PRKG2: variants seen among roughly 807,000 people sequenced by gnomAD.
PRKG2 encodes the protein cGMP-dependent protein kinase 2.
PRKG2 carries 33 observed loss-of-function variants against 97.2 expected under a neutral mutation model. That is an observed-to-expected ratio of 0.34 (90% CI 0.26 to 0.45). PRKG2 has a LOEUF of 0.45. Ranked by LOEUF, PRKG2 falls within the 20% of genes least tolerant of loss-of-function variation. The probability of loss-of-function intolerance (pLI) is 1.00; values close to 1 mark genes in which losing one functional copy is unlikely to be tolerated. For synonymous variants in PRKG2, 330 were observed against 321.8 expected, an observed-to-expected ratio of 1.03 and a Z score of -0.27; for missense variants, 638 against 900.0, an observed-to-expected ratio of 0.71 and a Z score of 3.73.
At chr4:81,216,170 T>C (rs2110142909), upstream of PRKG2, among the ~76,000 whole-genome samples, 1 of 152,254 alleles carries the variant, frequency 6.6e-6, no homozygotes, top group East Asian at 1.9e-4. Flanking sequence ...TCATGTAACA[T>C]TTGTATACAC....
chr4:81,217,833 T>C (rs1578540973), upstream of PRKG2, among the ~76,000 whole-genome samples: 2 of 152,138 alleles, frequency 1.3e-5, no homozygotes, highest in Admixed American at 6.5e-5. Flanking sequence ...AGGCAAGAAG[T>C]TCCAAGGTCA....
At position 81,144,321 on chromosome 4, in the gene PRKG2, GT is replaced by G; in HGVS notation, c.1163del (p.Asn388ThrfsTer21). On this transcript the variant is annotated frameshift_variant, in exon 10 of 19. Transcript: ENST00000264399. LOFTEE classifies it high-confidence loss of function. ...GCTCTTCAAATGTACCGACAGTTTGGTTGAATGTTCTAAATAGATAGAATAA... is the reference window on the plus strand; with the variant it reads ...GCTCTTCAAATGTACCGACAGTTTGGTGAATGTTCTAAATAGATAGAATAA... ...ACLVIDRETF[N>X]QTVGTFEELQ... The G allele has an allele frequency of 6.2e-7, 1 of 1,608,180 alleles. No homozygotes were observed. Among genetic ancestry groups the G allele is most frequent in the Non-Finnish European group, 8.5e-7 (1 of 1,175,026 alleles).
chr4:81,110,768 C>CAGACAGAT (rs1743839817), intron 14 of PRKG2, among the ~76,000 whole-genome samples, 157 bp from the exon 15 acceptor site: 2 of 119,958 alleles, frequency 1.7e-5, no homozygotes, highest in Non-Finnish European at 3.5e-5. Context: ...GAGAGAGAGA[C>CAGACAGAT]AGACAGACGG....
chr4:81,130,651 G>A (rs1746083220), intron 14 of PRKG2, among the ~76,000 whole-genome samples: 1 of 152,174 alleles, frequency 6.6e-6, no homozygotes, highest in South Asian at 2.1e-4. Flanking sequence ...ATGAGCCCCT[G>A]AGTGGGACTG....
At chr4:81,122,909 C>G (rs547147609) in intron 14 of PRKG2, among the ~76,000 whole-genome samples, 6 of 152,332 alleles carry the variant, frequency 3.9e-5, no homozygotes, top group African/African-American at 1.4e-4. Flanking sequence ...CATCCCACTG[C>G]AGTCCGCTCA....
At chr4:81,186,905 C>T (rs1023095920) in intron 2 of PRKG2, among the ~76,000 whole-genome samples, 4 of 152,106 alleles carry the variant, frequency 2.6e-5, no homozygotes, top group African/African-American at 7.2e-5. Context: ...GACACATAAA[C>T]CCTCCCAAGA....
At chr4:81,126,719 GTTTT>G (rs35401940) in intron 14 of PRKG2, among the ~76,000 whole-genome samples, 3 of 150,116 alleles carry the variant, frequency 2.0e-5, no homozygotes, top group South Asian at 2.1e-4. Context: ...CTTTTTGATG[GTTTT>G]TTTTTCTTGT....
At chr4:81,191,441 G>A (rs1437815405) in intron 2 of PRKG2, among the ~76,000 whole-genome samples, 1 of 150,918 alleles carries the variant, frequency 6.6e-6, no homozygotes, top group Non-Finnish European at 1.5e-5. Context: ...CAGGGGGTTG[G>A]GGGCTGGAGA....
At chr4:81,131,058 A>G (rs1345992645) in intron 14 of PRKG2, among the ~76,000 whole-genome samples, 1 of 152,178 alleles carries the variant, frequency 6.6e-6, no homozygotes, top group Non-Finnish European at 1.5e-5. Flanking sequence ...CAGCTAGCTC[A>G]GTGTCTGCCC....
chr4:81,198,214 G>A (rs1753082464), intron 2 of PRKG2, among the ~76,000 whole-genome samples: 1 of 152,176 alleles, frequency 6.6e-6, no homozygotes, highest in Admixed American at 6.5e-5. Flanking sequence ...AGGACTAAAG[G>A]GCAGATATCA....
intron 2 of PRKG2, among the ~76,000 whole-genome samples, chr4:81,203,928 T>TC (rs1175050397): frequency 6.6e-6 from 1 of 152,178 alleles, no homozygotes; most frequent in Non-Finnish European, 1.5e-5. Flanking sequence ...TTCTGTTGTC[T>TC]CCCTGACCTC....
At chr4:81,090,611 T>A (rs1271022318) in intron 18 of PRKG2, among the ~76,000 whole-genome samples, 1 of 151,380 alleles carries the variant, frequency 6.6e-6, no homozygotes, top group African/African-American at 2.5e-5. Flanking sequence ...GATTTCTAAC[T>A]CTGCTTTCAA....
chr4:81,153,852 G>A (rs879296531), intron 6 of PRKG2, 131 bp from the exon 7 acceptor site: 5 of 647,620 alleles, frequency 7.7e-6, no homozygotes, highest in Non-Finnish European at 1.3e-5. Context: ...TCCATCTGAG[G>A]TACCGGGTTC....
rs537316144 is a variant in PRKG2 at position 81,167,276 on chromosome 4, T to C, written c.849-52A>G. ...TTACCTTCCTGAATTAAACTATAAA[T>C]ATACACATATGCAGATTCTAAAATC... On this transcript the variant is annotated intron_variant, in intron 5 of 18. Coordinates refer to ENST00000264399, the MANE Select transcript of PRKG2 (RefSeq NM_006259.3). 6.1e-6 allele frequency: 7 copies of C among 1,151,262 alleles called. No individual in the cohort carries two copies. In the South Asian group the frequency reaches 1.0e-4, roughly 17 times the overall value. 71.3% of individuals were successfully genotyped at this position (1,151,262 alleles called of 1,614,324 possible).
At chr4:81,110,762 G>GAC (rs1257128786) in intron 14 of PRKG2, 151 bp from the exon 15 acceptor site, 106 of 627,918 alleles carry the variant, frequency 1.7e-4, no homozygotes, top group African/African-American at 5.9e-4. Context: ...GAGAGAGAGA[G>GAC]AGAGACAGAC....
intron 6 of PRKG2, 137 bp from the exon 7 acceptor site, chr4:81,153,858 G>A (rs1578431597): frequency 1.6e-6 from 1 of 623,852 alleles, no homozygotes; most frequent in African/African-American, 1.9e-5. Flanking sequence ...TGAGGTACCG[G>A]GTTCATCTCA....
rs1741273119 is a variant in PRKG2, at chr4:81,088,469, T to A, written c.*1239A>T. ...AAGGAGGGTAAGGGAATGATCATGG[T>A]CAATACATACAACCATTCACCAGTG... On this transcript the variant is annotated 3_prime_UTR_variant, in exon 19 of 19. Coordinates refer to ENST00000264399, the MANE Select transcript of PRKG2 (RefSeq NM_006259.3). 6.6e-6 allele frequency: 1 copy of A among 152,154 alleles called. No homozygotes were observed. Among genetic ancestry groups the A allele is most frequent in the Non-Finnish European group, 1.5e-5 (1 of 68,006 alleles). 9.4% of individuals were successfully genotyped at this position (152,154 alleles called of 1,614,324 possible).
chr4:81,179,134 C>CA (rs575898558), intron 2 of PRKG2, among the ~76,000 whole-genome samples: 1,367 of 120,036 alleles, frequency 0.011, 12 homozygotes, highest in African/African-American at 0.033. Context: ...CAAAAACAAA[C>CA]AAAAAAAAAA....
intron 17 of PRKG2, among the ~76,000 whole-genome samples, chr4:81,094,873 G>T (rs911308971): frequency 1.3e-5 from 2 of 152,182 alleles, no homozygotes; most frequent in African/African-American, 4.8e-5. Context: ...AGATTTCTAC[G>T]TGTAGTGAAA....
Sources: gnomAD v4.1 joint callset for allele counts (sites outside exome capture counted in the v4.1 genomes callset) on GRCh38, gnomAD v4.1.1 for gene constraint, MANE v1.5 for transcripts, NCBI Gene and HGNC (gene_info 2026-07-23, HGNC 2026-07-21) for gene names.